Variants in ARID4A observed in about 807,000 individuals in gnomAD.
The protein encoded by ARID4A is AT-rich interactive domain-containing protein 4A.
Under a neutral mutation model 148.6 loss-of-function variants are expected in ARID4A, and 39 were observed. The observed-to-expected ratio is 0.26, with a 90% CI of 0.20 to 0.34. The LOEUF (loss-of-function observed/expected upper bound fraction) is 0.34. Ranked by LOEUF, ARID4A falls within the 10% of genes least tolerant of loss-of-function variation. The pLI, the probability that ARID4A is intolerant of heterozygous loss-of-function variation, is 1.00. For synonymous variants in ARID4A, 475 were observed against 481.2 expected (o/e 0.99, Z 0.17); for missense variants, 1,265 against 1,449.1 (o/e 0.87, Z 2.06).
chr14:58,347,757 T>G lies in ARID4A; in HGVS notation c.1283T>G (p.Met428Arg), dbSNP rs2034443423. Residue 428 changes from methionine to arginine, a missense_variant, in exon 15 of 24, where the codon ATG becomes AGG. Transcript: ENST00000355431. ...GAAAAAAAAGACTTAGAAGAATCAA[T>G]GGAAGAGGCTCTCAAATTAGATCAA... ...KEEKKDLEES[M>R]EEALKLDQEM... is the part of the protein sequence containing the mutation. 3.1e-6 allele frequency: 5 copies of G among 1,613,498 alleles called. No homozygotes were observed. The highest frequency in any genetic ancestry group is 3.3e-4 in the Middle Eastern group (2 of 6,072).
rs1011938946 is a variant in ARID4A, at chr14:58,319,948, C to CTT, written c.449+1160_449+1161dup. ...ATATATATACTAATTTTTTTCTTTT[C>CTT]TTTTTTTTTTTTTTTTTTGAGACGG... is the stretch of plus-strand genomic sequence containing the variant. On this transcript the variant is annotated intron_variant, in intron 7 of 23. Transcript: ENST00000355431. Among the ~76,000 whole-genome samples the CTT allele has an allele frequency of 2.3e-4, 29 of 127,188 alleles. 1 individual carries two copies. Among genetic ancestry groups the CTT allele is most frequent in the East Asian group, 9.3e-4 (4 of 4,300 alleles). 83.4% of individuals were successfully genotyped at this position (127,188 alleles called of 152,430 possible).
intron 11 of ARID4A, among the ~76,000 whole-genome samples, chr14:58,340,001 C>T (rs2034033284): frequency 6.6e-6 from 1 of 152,122 alleles, no homozygotes; most frequent in South Asian, 2.1e-4. Flanking sequence ...CAGGTCCCTC[C>T]CCGAGTATTG....
intron 23 of ARID4A, among the ~76,000 whole-genome samples, chr14:58,371,296 T>C (rs182893233): frequency 3.4e-4 from 52 of 152,132 alleles, no homozygotes; most frequent in Non-Finnish European, 2.5e-4. Context: ...GACAAGAGTA[T>C]TGCAAGGAAA....
At chr14:58,344,803 C>T (rs775296660) in intron 12 of ARID4A, 36 bp downstream of exon 12, 8 of 1,475,560 alleles carry the variant, frequency 5.4e-6, no homozygotes, top group Non-Finnish European at 7.5e-6. Flanking sequence ...GTAGTCATTT[C>T]TTTTTCATGT....
Position 58,364,481 on chromosome 14 carries a change from A to G in ARID4A, c.2392A>G (p.Lys798Glu). Residue 798 changes from lysine (K) to glutamate (E), a missense_variant, in exon 20 of 24, where the codon AAG becomes GAG. Physicochemically the swap from Lys to Glu is moderately conservative, Grantham distance 56 (BLOSUM62 1). Transcript: ENST00000355431. ...KSPKGKGRRS[K>E]TKDLSLEIIK... ...TCCAAAAGGAAAGGGAAGACGAAGC[A>G]AGACAAAAGATCTTTCTTTAGAAAT... 1 of 1,612,944 alleles carries G rather than the reference A, an allele frequency of 6.2e-7. No homozygotes were observed. The highest frequency in any genetic ancestry group is 8.5e-7 in the Non-Finnish European group (1 of 1,179,808).
chr14:58,323,540 C>A lies in ARID4A; in HGVS notation c.505C>A (p.Arg169Ser), dbSNP rs146397124. The change falls in exon 8 of 24, where the codon CGT becomes AGT. Residue 169 changes from arginine to serine, a missense_variant. Transcript: ENST00000355431. ...SSEEEDEDKRRLNDELLGKVV... is the reference protein window; with the variant it reads ...SSEEEDEDKRSLNDELLGKVV... Reference sequence around the variant, plus strand: ...TGAAGAGGAAGATGAAGACAAGCGCCGTCTCAATGATGAATTACTAGGAAA... The same window carrying A: ...TGAAGAGGAAGATGAAGACAAGCGCAGTCTCAATGATGAATTACTAGGAAA... 7 of 1,614,036 alleles carry A rather than the reference C, an allele frequency of 4.3e-6. No homozygotes were observed. In the South Asian group the frequency reaches 5.5e-5, roughly 13 times the overall value.
chr14:58,369,372 TC>T lies in ARID4A; in HGVS notation c.3670+2346del, dbSNP rs1324466364. Among the ~76,000 whole-genome samples the T allele has an allele frequency of 2.0e-5, 3 of 151,998 alleles. No individual in the cohort carries two copies. In the South Asian group the frequency reaches 6.2e-4, roughly 32 times the overall value. The stretch of plus-strand genomic sequence containing the variant: ...CTGGCACAGCGGCTCACGCCTGTAA[TC>T]CCAGCATTTTGGGAGGCAGAGGCAG... On this transcript the variant is annotated intron_variant, in intron 23 of 23. Coordinates refer to ENST00000355431, the MANE Select transcript of ARID4A (RefSeq NM_002892.4).
chr14:58,305,050 AT>A (rs1271198741), intron 4 of ARID4A, 41 bp downstream of exon 4: 1 of 1,469,050 alleles, frequency 6.8e-7, no homozygotes, highest in Non-Finnish European at 9.3e-7. Flanking sequence ...ATAATCATAG[AT>A]TTATACCATA....
At position 58,304,966 on chromosome 14, in the gene ARID4A, C is replaced by T. The variant is rs764021680; in HGVS notation, c.140C>T (p.Thr47Ile). ...KVKVLLKQDNTTQLVQDDQVK... is the reference protein window; with the variant it reads ...KVKVLLKQDNITQLVQDDQVK... ...CAGGTACTCCTGAAACAGGATAATA[C>T]CACACAATTGGTACAAGATGACCAA... Residue 47 changes from threonine (T) to isoleucine (I), a missense_variant, in exon 4 of 24, where the codon ACC (threonine) becomes ATC (isoleucine). Thr to Ile is a moderately conservative substitution (Grantham distance 89). This residue lies in a region of ARID4A where 59 missense variants were observed against 49.8 expected (regional missense o/e 1.18). Transcript: ENST00000355431. 8 of 1,607,760 alleles carry T rather than the reference C, an allele frequency of 5.0e-6. No individual in the cohort carries two copies. Among genetic ancestry groups the T allele is most frequent in the Non-Finnish European group, 6.8e-6 (8 of 1,177,762 alleles).
chr14:58,347,192 T>C (rs2034415460), intron 14 of ARID4A, 75 bp downstream of exon 14: 3 of 738,768 alleles, frequency 4.1e-6, no homozygotes, highest in African/African-American at 3.7e-5. Flanking sequence ...TTAACAAGAA[T>C]ACATCAATCT....
At chr14:58,299,927 T>G in intron 2 of ARID4A, 67 bp downstream of exon 2, 1 of 1,601,658 alleles carries the variant, frequency 6.2e-7, no homozygotes, top group Non-Finnish European at 8.6e-7. Context: ...GCTAGTGCCG[T>G]GGAATGTCAT....
Position 58,367,571 on chromosome 14 carries a change from G to A in ARID4A, c.3670+542G>A, listed in dbSNP as rs369681582. Among the ~76,000 whole-genome samples the A allele has an allele frequency of 2.6e-5, 4 of 152,336 alleles. 1 individual carries two copies. On this transcript the variant is annotated intron_variant, in intron 23 of 23. Transcript: ENST00000355431. ...AGATCTTAACATCTAGTGGAACAGT[G>A]TGTACCCTGAGAATGATATTAACGA...
At chr14:58,343,162 A>G (rs143406182) in intron 11 of ARID4A, among the ~76,000 whole-genome samples, 105 of 152,332 alleles carry the variant, frequency 6.9e-4, no homozygotes, top group African/African-American at 2.5e-3. Flanking sequence ...TGGGGAAAAA[A>G]CTGCCATCTC....
chr14:58,372,155 G>T lies in ARID4A; in HGVS notation c.*166G>T. ...ATTCCCCTCTCTCTTCTTTTTTCTT[G>T]TTGCAAAAAATAAGCTGATTAATAA... On this transcript the variant is annotated 3_prime_UTR_variant, in exon 24 of 24. Coordinates refer to ENST00000355431, the MANE Select transcript of ARID4A (RefSeq NM_002892.4). The T allele has an allele frequency of 1.9e-6, 1 of 523,158 alleles. No homozygotes were observed. The highest frequency in any genetic ancestry group is 3.4e-6 in the Non-Finnish European group (1 of 297,614). The allele number at this position is 523,158 out of a possible 1,614,324, so 32.4% of individuals were successfully genotyped here.
intron 1 of ARID4A, 57 bp from the exon 2 acceptor site, chr14:58,299,741 G>C (rs1489847635): frequency 1.3e-5 from 19 of 1,446,238 alleles, no homozygotes; most frequent in African/African-American, 5.6e-5. Context: ...TCTTTCCCTT[G>C]GTCGCTCCCC....
chr14:58,350,619 C>T (rs2034593332), intron 15 of ARID4A, among the ~76,000 whole-genome samples: 1 of 152,080 alleles, frequency 6.6e-6, no homozygotes, highest in Admixed American at 6.6e-5. Context: ...TTTTGTCTTA[C>T]TAACGGTAGA....
chr14:58,365,380 G>A, intron 20 of ARID4A, 80 bp downstream of exon 20: 1 of 1,458,676 alleles, frequency 6.9e-7, no homozygotes. Context: ...CTGTTGATCT[G>A]TAAAGTACTT....
intron 3 of ARID4A, chr14:58,303,437 T>A (rs968333674): frequency 6.8e-6 from 3 of 442,420 alleles, no homozygotes; most frequent in South Asian, 3.2e-5. Context: ...TCTTCCAGAT[T>A]TTTTTTACTG....
chr14:58,335,807 A>G (rs987387278), intron 11 of ARID4A, among the ~76,000 whole-genome samples: 3 of 152,170 alleles, frequency 2.0e-5, no homozygotes, highest in Non-Finnish European at 2.9e-5. Context: ...GTCCAATCAG[A>G]TACCCAGTCC....
Sources: gnomAD v4.1 joint callset for allele counts (sites outside exome capture counted in the v4.1 genomes callset) on GRCh38, gnomAD v4.1.1 for gene constraint, gnomAD v4.1.1 regional missense constraint, MANE v1.5 for transcripts, NCBI Gene and HGNC (gene_info 2026-07-23, HGNC 2026-07-21) for gene names.